NXPH1: variants seen among roughly 807,000 people sequenced by gnomAD.
NXPH1 encodes the protein neurexophilin-1.
A neutral mutation model predicts 23.7 loss-of-function variants in NXPH1; 5 were observed. The ratio of observed to expected loss-of-function variants is 0.21; its 90% CI spans 0.11 to 0.44. NXPH1 has a LOEUF of 0.44. NXPH1 is among the 20% of genes least tolerant of loss of function. The pLI, the probability that NXPH1 is intolerant of heterozygous loss-of-function variation, is 0.99. For synonymous variants in NXPH1, 144 were observed against 122.2 expected, an observed-to-expected ratio of 1.18 and a Z score of -1.18; for missense variants, 324 against 321.6, an observed-to-expected ratio of 1.01 and a Z score of -0.06.
chr7:8,689,141 G>A (rs1821190357), intron 2 of NXPH1, among the ~76,000 whole-genome samples: 1 of 152,084 alleles, frequency 6.6e-6, no homozygotes, highest in African/African-American at 2.4e-5. Flanking sequence ...TATATAGGAT[G>A]GCTAACTTCA....
At chr7:8,706,317 G>C (rs886728620) in intron 2 of NXPH1, among the ~76,000 whole-genome samples, 1 of 152,154 alleles carries the variant, frequency 6.6e-6, no homozygotes, top group Non-Finnish European at 1.5e-5. Flanking sequence ...ATATGTTAGA[G>C]ACCAGGCTTA....
intron 2 of NXPH1, among the ~76,000 whole-genome samples, chr7:8,645,354 A>G (rs1162432362): frequency 3.3e-5 from 5 of 152,054 alleles, no homozygotes; most frequent in African/African-American, 4.8e-5. Flanking sequence ...GTCTCCAAAT[A>G]TATTATATGG....
chr7:8,677,943 A>T (rs1444118933), intron 2 of NXPH1, among the ~76,000 whole-genome samples: 4 of 151,950 alleles, frequency 2.6e-5, no homozygotes, highest in Non-Finnish European at 5.9e-5. Context: ...AAACATACAT[A>T]CATTTATATA....
At chr7:8,738,026 AATTCAT>A (rs1474457025) in intron 2 of NXPH1, among the ~76,000 whole-genome samples, 5 of 152,030 alleles carry the variant, frequency 3.3e-5, no homozygotes, top group Non-Finnish European at 7.4e-5. Context: ...TCTAGTTAGC[AATTCAT>A]CCAACCTTTT....
At chr7:8,622,603 T>C (rs981436456) in intron 2 of NXPH1, among the ~76,000 whole-genome samples, 4 of 152,202 alleles carry the variant, frequency 2.6e-5, no homozygotes, top group African/African-American at 9.6e-5. Flanking sequence ...TTGACAAAGT[T>C]AAGTCTCATT....
At chr7:8,509,418 A>T (rs1405775146) in intron 2 of NXPH1, among the ~76,000 whole-genome samples, 1 of 152,144 alleles carries the variant, frequency 6.6e-6, no homozygotes, top group African/African-American at 2.4e-5. Flanking sequence ...GCCCTGTCAT[A>T]GAGAGTAACG....
intron 2 of NXPH1, among the ~76,000 whole-genome samples, chr7:8,588,632 T>C (rs938758699): frequency 6.6e-6 from 1 of 152,082 alleles, no homozygotes; most frequent in Non-Finnish European, 1.5e-5. Context: ...TGGAAGACTT[T>C]GGGGAAAGAC....
chr7:8,615,521 C>T (rs1045943596), intron 2 of NXPH1, among the ~76,000 whole-genome samples: 1 of 151,988 alleles, frequency 6.6e-6, no homozygotes, highest in Non-Finnish European at 1.5e-5. Context: ...ATAATCTTTC[C>T]TATAGCTATT....
At chr7:8,692,692 C>A (rs1291010041) in intron 2 of NXPH1, among the ~76,000 whole-genome samples, 1 of 152,114 alleles carries the variant, frequency 6.6e-6, no homozygotes, top group Admixed American at 6.5e-5. Flanking sequence ...TGACTGGGTG[C>A]TTTGTGTTAG....
intron 2 of NXPH1, among the ~76,000 whole-genome samples, chr7:8,624,847 T>A (rs1004664914): frequency 2.2e-4 from 34 of 152,114 alleles, no homozygotes; most frequent in African/African-American, 8.2e-4. Flanking sequence ...AGCTGAGTAG[T>A]AGAGGGCTCC....
intron 2 of NXPH1, among the ~76,000 whole-genome samples, chr7:8,472,897 T>A (rs1816891804): frequency 6.6e-6 from 1 of 152,188 alleles, no homozygotes; most frequent in Non-Finnish European, 1.5e-5. Flanking sequence ...TTCTAGAAGT[T>A]TGGAAAAGCC....
intron 2 of NXPH1, among the ~76,000 whole-genome samples, chr7:8,534,003 T>C (rs1167670127): frequency 1.3e-5 from 2 of 152,144 alleles, no homozygotes; most frequent in Non-Finnish European, 2.9e-5. Flanking sequence ...ATTTTTAATT[T>C]TGACCAAATG....
intron 2 of NXPH1, among the ~76,000 whole-genome samples, chr7:8,473,983 G>A (rs1816918742): frequency 6.6e-6 from 1 of 152,090 alleles, no homozygotes; most frequent in African/African-American, 2.4e-5. Flanking sequence ...ATGAATAGCT[G>A]GACTCACCAG....
At chr7:8,592,783 T>G (rs140999402) in intron 2 of NXPH1, among the ~76,000 whole-genome samples, 53 of 152,008 alleles carry the variant, frequency 3.5e-4, no homozygotes, top group African/African-American at 1.2e-3. Flanking sequence ...TTTTGGACAC[T>G]GAAGTTTGAA....
chr7:8,731,615 C>G (rs1406966910), intron 2 of NXPH1, among the ~76,000 whole-genome samples: 1 of 152,182 alleles, frequency 6.6e-6, no homozygotes, highest in Non-Finnish European at 1.5e-5. Flanking sequence ...AGGTGTCAGT[C>G]TGCCCCTGTT....
chr7:8,498,797 G>A (rs187344953), intron 2 of NXPH1, among the ~76,000 whole-genome samples: 1 of 152,100 alleles, frequency 6.6e-6, no homozygotes, highest in Non-Finnish European at 1.5e-5. Flanking sequence ...TGTTCTAAGA[G>A]CTTAGTAAGA....
intron 2 of NXPH1, among the ~76,000 whole-genome samples, chr7:8,474,526 TCTAATTAAC>T (rs574392459): frequency 4.6e-4 from 70 of 152,272 alleles, no homozygotes; most frequent in African/African-American, 1.5e-3. Context: ...CTCACACACA[TCTAATTAAC>T]ACATACCAAG....
intron 2 of NXPH1, among the ~76,000 whole-genome samples, chr7:8,719,423 A>T (rs1262173896): frequency 6.6e-6 from 1 of 152,190 alleles, no homozygotes; most frequent in Non-Finnish European, 1.5e-5. Flanking sequence ...CAAAAATATT[A>T]TGGCTTGGAT....
intron 2 of NXPH1, among the ~76,000 whole-genome samples, chr7:8,467,334 C>G (rs1054997082): frequency 1.3e-5 from 2 of 152,138 alleles, no homozygotes; most frequent in Non-Finnish European, 2.9e-5. Flanking sequence ...GGTGATGAAG[C>G]CTCTTCTGGA....
Sources: gnomAD v4.1 joint callset for allele counts (sites outside exome capture counted in the v4.1 genomes callset) on GRCh38, gnomAD v4.1.1 for gene constraint, MANE v1.5 for transcripts, NCBI Gene and HGNC (gene_info 2026-07-23, HGNC 2026-07-21) for gene names.